LRRC40: variants seen among roughly 807,000 people sequenced by gnomAD.
LRRC40 encodes the protein leucine-rich repeat-containing protein 40.
In LRRC40, 76 loss-of-function variants were observed where a neutral mutation model predicts 72.8. The observed-to-expected ratio is 1.04, with a 90% confidence interval of 0.87 to 1.26. LRRC40 has a LOEUF of 1.26. LRRC40 is among the 50% of genes most tolerant of loss of function. The pLI is 0.00. For missense variants in LRRC40, 684 were observed against 698.9 expected (o/e 0.98, Z 0.24); for synonymous variants, 243 against 254.2 (o/e 0.96, Z 0.42).
At chr1:70,165,204 T>C (rs1213987573) in intron 9 of LRRC40, among the ~76,000 whole-genome samples, 2 of 152,244 alleles carry the variant, frequency 1.3e-5, no homozygotes, top group African/African-American at 2.4e-5. Flanking sequence ...GAGTTATATT[T>C]GTAGGATATC....
intron 6 of LRRC40, among the ~76,000 whole-genome samples, chr1:70,176,328 TG>T (rs1433981957): frequency 6.6e-6 from 1 of 151,820 alleles, no homozygotes. Context: ...TTCAGGAGTT[TG>T]AGACCAGCCT....
In LRRC40 at chr1:70,159,045, A is replaced by G. The variant is rs1667700797; in HGVS notation, c.1220+285T>C. Reference sequence around the variant, plus strand: ...ACTTTTAATATCCTTCTATTTCATCATGGTTTTTTGCAATTATTATTACTC... The same window carrying G: ...ACTTTTAATATCCTTCTATTTCATCGTGGTTTTTTGCAATTATTATTACTC... On this transcript the variant is annotated intron_variant, in intron 10 of 14. Transcript: ENST00000370952. Among the ~76,000 whole-genome samples the G allele has an allele frequency of 2.0e-5, 3 of 152,066 alleles. No individual in the cohort carries two copies. The South Asian group carries it at 6.2e-4, about 32-fold the overall frequency.
At chr1:70,196,012 A>G (rs532658039) in intron 1 of LRRC40, among the ~76,000 whole-genome samples, 262 of 152,158 alleles carry the variant, frequency 1.7e-3, no homozygotes, top group Non-Finnish European at 2.8e-3. Context: ...CTACACAAAG[A>G]CTTGTACATG....
intron 1 of LRRC40, among the ~76,000 whole-genome samples, chr1:70,202,617 C>T (rs543428979): frequency 1.8e-4 from 27 of 152,210 alleles, no homozygotes; most frequent in Non-Finnish European, 3.2e-4. Flanking sequence ...GGTGGATATA[C>T]GACATGCATT....
intron 1 of LRRC40, among the ~76,000 whole-genome samples, chr1:70,203,173 G>A (rs1401777765): frequency 6.6e-6 from 1 of 152,088 alleles, no homozygotes; most frequent in Non-Finnish European, 1.5e-5. Flanking sequence ...GGGATTACAG[G>A]CATGAGCTAC....
chr1:70,193,483 CA>C (rs1558128159), intron 1 of LRRC40, among the ~76,000 whole-genome samples: 2 of 151,660 alleles, frequency 1.3e-5, no homozygotes, highest in Non-Finnish European at 2.9e-5. Flanking sequence ...AAAGTCCCCA[CA>C]AAGAAAATTC....
Position 70,178,991 on chromosome 1 carries a change from A to G in LRRC40, c.664T>C (p.Leu222=). The change falls in exon 6 of 15, where the codon TTG becomes CTG. Residue 222 remains leucine (L), a splice_region_variant and synonymous_variant. Transcript: ENST00000370952. ...TTTGAATTACAATCCAAATGCTTCA[A>G]CCCTGTAATATATATTCAGTAAAAA... The part of the protein sequence containing the change: ...LPAEINRMKR[L]KHLDCNSNLL... 6.3e-7 allele frequency: 1 copy of G among 1,575,394 alleles called. No homozygotes were observed. Among genetic ancestry groups the G allele is most frequent in the Non-Finnish European group, 8.6e-7 (1 of 1,158,298 alleles).
Position 70,205,504 on chromosome 1 carries a change from G to T in LRRC40, c.37C>A (p.Arg13Ser). The T allele has an allele frequency of 6.2e-7, 1 of 1,604,132 alleles. No homozygotes were observed. Among genetic ancestry groups the T allele is most frequent in the Non-Finnish European group, 8.5e-7 (1 of 1,172,154 alleles). ...RLKRIAGQDL[R>S]AGFKAGGRDC... Reference sequence around the variant, plus strand: ...CTTCCACCTGCTTTGAAACCAGCGCGGAGATCCTGCCCCGCTATCCGCTTC... The same window carrying T: ...CTTCCACCTGCTTTGAAACCAGCGCTGAGATCCTGCCCCGCTATCCGCTTC... The change falls in exon 1 of 15, where the codon CGC (arginine) becomes AGC (serine). Residue 13 changes from arginine (R) to serine (S), a missense_variant. Physicochemically the swap from Arg to Ser is moderately radical, Grantham distance 110. Coordinates refer to ENST00000370952, the MANE Select transcript of LRRC40 (RefSeq NM_017768.5).
chr1:70,189,633 G>A (rs958926247), intron 1 of LRRC40, among the ~76,000 whole-genome samples: 20 of 151,686 alleles, frequency 1.3e-4, no homozygotes, highest in Non-Finnish European at 4.4e-5. Flanking sequence ...TAATAGAGAA[G>A]GCATGGAAAT....
chr1:70,203,710 T>G (rs375985090), intron 1 of LRRC40, among the ~76,000 whole-genome samples: 9 of 152,298 alleles, frequency 5.9e-5, no homozygotes, highest in Non-Finnish European at 5.9e-5. Context: ...AATGAGAAAT[T>G]AGGGCACAGA....
At chr1:70,190,225 G>A (rs1668463493) in intron 1 of LRRC40, among the ~76,000 whole-genome samples, 2 of 152,152 alleles carry the variant, frequency 1.3e-5, no homozygotes, top group Non-Finnish European at 2.9e-5. Flanking sequence ...ATACCTTGCT[G>A]CCACAGATTA....
intron 9 of LRRC40, among the ~76,000 whole-genome samples, chr1:70,161,645 C>T (rs1667765672): frequency 6.6e-6 from 1 of 151,952 alleles, no homozygotes; most frequent in African/African-American, 2.4e-5. Flanking sequence ...ACGAGTGTCA[C>T]CTAGAACGAA....
chr1:70,170,261 A>G (rs1558117727), intron 9 of LRRC40, among the ~76,000 whole-genome samples: 1 of 152,196 alleles, frequency 6.6e-6, no homozygotes, highest in Non-Finnish European at 1.5e-5. Context: ...TTAACATGAT[A>G]AAGGGCATCT....
In LRRC40 at chr1:70,173,609, C is replaced by T. The variant is rs371482748; in HGVS notation, c.1065+13G>A. 8 of 1,528,442 alleles carry T rather than the reference C, an allele frequency of 5.2e-6. No individual in the cohort carries two copies. The highest frequency in any genetic ancestry group is 7.2e-6 in the Non-Finnish European group (8 of 1,112,476). The allele number at this position is 1,528,442 out of a possible 1,614,324, so 94.7% of individuals were successfully genotyped here. A position where few individuals can be genotyped will look rare whatever the true frequency, so the allele number is the denominator to read the frequency against. On this transcript the variant is annotated intron_variant, in intron 8 of 14. Transcript: ENST00000370952. ...TTCAATTTAACAAAGAGCTGAATTCCAAATATACTTACACTTATAATTTCT... is the reference window on the plus strand; with the variant it reads ...TTCAATTTAACAAAGAGCTGAATTCTAAATATACTTACACTTATAATTTCT...
Position 70,189,114 on chromosome 1 carries a change from A to T in LRRC40, c.311T>A (p.Leu104Ter). 1 of 1,613,698 alleles carries T rather than the reference A, an allele frequency of 6.2e-7. No individual in the cohort carries two copies. Among genetic ancestry groups the T allele is most frequent in the Non-Finnish European group, 8.5e-7 (1 of 1,179,884 alleles). The change falls in exon 2 of 15, where the codon TTG becomes TAG. Residue 104 changes from leucine (L) to a stop codon, truncating the protein, a stop_gained. Coordinates refer to ENST00000370952, the MANE Select transcript of LRRC40 (RefSeq NM_017768.5). LOFTEE classifies it high-confidence loss of function. ...LQSLTDDLRL[L>*]PALTVLDIHD... ...TACATCAAGAACAGTCAGTGCAGGC[A>T]AGAGTCGCAGGTCATCTGTAAGTGA...
intron 9 of LRRC40, among the ~76,000 whole-genome samples, chr1:70,171,043 AT>A (rs1667990153): frequency 6.6e-6 from 1 of 152,180 alleles, no homozygotes; most frequent in Non-Finnish European, 1.5e-5. Flanking sequence ...TGGTAGAAAA[AT>A]AAACCAATAC....
Position 70,145,372 on chromosome 1 carries a change from G to A in LRRC40, c.*428C>T, listed in dbSNP as rs1420177924. 6.6e-6 allele frequency: 1 copy of A among 151,856 alleles called. No individual in the cohort carries two copies. Among genetic ancestry groups the A allele is most frequent in the Non-Finnish European group, 1.5e-5 (1 of 68,026 alleles). The allele number at this position is 151,856 out of a possible 1,614,324, so 9.4% of individuals were successfully genotyped here. A position where few individuals can be genotyped will look rare whatever the true frequency, so the allele number is the denominator to read the frequency against. On this transcript the variant is annotated 3_prime_UTR_variant, in exon 15 of 15. Transcript: ENST00000370952. ...CTGGCTAGTCATATTCAAGTCAATTGGTCACATTGTATGGAATACAAAAAT... is the reference window on the plus strand; with the variant it reads ...CTGGCTAGTCATATTCAAGTCAATTAGTCACATTGTATGGAATACAAAAAT...
chr1:70,205,204 C>G (rs1668903773), intron 1 of LRRC40, among the ~76,000 whole-genome samples, 186 bp downstream of exon 1: 1 of 152,110 alleles, frequency 6.6e-6, no homozygotes, highest in African/African-American at 2.4e-5. Flanking sequence ...ATTGCGGGAA[C>G]CTGGGAAGGA....
At chr1:70,173,381 C>A in intron 9 of LRRC40, 84 bp downstream of exon 9, 1 of 979,012 alleles carries the variant, frequency 1.0e-6, no homozygotes, top group South Asian at 1.4e-5. Context: ...TATGTATACC[C>A]AAAAGACATT....
Sources: gnomAD v4.1 joint callset for allele counts (sites outside exome capture counted in the v4.1 genomes callset) on GRCh38, gnomAD v4.1.1 for gene constraint, MANE v1.5 for transcripts, NCBI Gene and HGNC (gene_info 2026-07-23, HGNC 2026-07-21) for gene names.